Variants in CACNA2D1 observed in about 807,000 individuals in gnomAD.
CACNA2D1 encodes calcium voltage-gated channel auxiliary subunit alpha2delta 1.
CACNA2D1 carries 53 observed loss-of-function variants against 171.5 expected under a neutral mutation model. The observed-to-expected ratio is 0.31, with a 90% confidence interval of 0.25 to 0.39. CACNA2D1 has a LOEUF of 0.39. Ranked by LOEUF, CACNA2D1 falls within the 10% of genes least tolerant of loss-of-function variation. The pLI is 1.00. For missense variants in CACNA2D1, 903 were observed against 1,299.8 expected (o/e 0.69, Z 4.69); for synonymous variants, 442 against 443.1 (o/e 1.00, Z 0.03).
At chr7:82,282,831 C>T (rs980229173) in intron 3 of CACNA2D1, among the ~76,000 whole-genome samples, 1 of 151,898 alleles carries the variant, frequency 6.6e-6, no homozygotes, top group African/African-American at 2.4e-5. Flanking sequence ...ATTTTATGTG[C>T]GTGTGGCAGG....
intron 12 of CACNA2D1, among the ~76,000 whole-genome samples, chr7:82,030,592 AT>A (rs1802565702): frequency 6.6e-6 from 1 of 151,800 alleles, no homozygotes; most frequent in Non-Finnish European, 1.5e-5. Flanking sequence ...AAAACTTTTC[AT>A]TTTTGAAATA....
chr7:82,399,853 A>G (rs1489383540), intron 1 of CACNA2D1, among the ~76,000 whole-genome samples: 2 of 152,148 alleles, frequency 1.3e-5, no homozygotes, highest in Non-Finnish European at 2.9e-5. Flanking sequence ...AAACTATAAT[A>G]GGAAATCTTC....
intron 4 of CACNA2D1, among the ~76,000 whole-genome samples, chr7:82,139,254 T>C (rs149351526): frequency 6.6e-6 from 1 of 152,266 alleles, no homozygotes; most frequent in Admixed American, 6.5e-5. Context: ...AGTAATAAAA[T>C]ATAAATAAAT....
At chr7:82,061,646 G>A (rs1315244594) in intron 9 of CACNA2D1, among the ~76,000 whole-genome samples, 1 of 152,186 alleles carries the variant, frequency 6.6e-6, no homozygotes, top group Non-Finnish European at 1.5e-5. Context: ...TAAAGAAAGA[G>A]TTTAATTGAT....
intron 10 of CACNA2D1, among the ~76,000 whole-genome samples, chr7:82,053,735 A>G (rs1805491115): frequency 1.3e-5 from 2 of 152,136 alleles, no homozygotes; most frequent in South Asian, 4.1e-4. Context: ...TGCGTGTTTC[A>G]ATATTACTTT....
chr7:82,021,955 T>C (rs1452192812), intron 12 of CACNA2D1, among the ~76,000 whole-genome samples: 1 of 152,008 alleles, frequency 6.6e-6, no homozygotes, highest in African/African-American at 2.4e-5. Context: ...ATCTCAATTC[T>C]AGGTAGTAAA....
At chr7:82,029,198 C>G (rs762250875) in intron 12 of CACNA2D1, 3 of 151,750 alleles carry the variant, frequency 2.0e-5, no homozygotes, top group Non-Finnish European at 4.4e-5. Context: ...AGCAAAAATA[C>G]AAAGACTTGC....
chr7:82,078,919 AAAG>A (rs746636839), intron 7 of CACNA2D1, among the ~76,000 whole-genome samples: 29 of 152,274 alleles, frequency 1.9e-4, no homozygotes, highest in South Asian at 4.1e-4. Flanking sequence ...AAAAAAGAAA[AAAG>A]AAGAAGTGAG....
In CACNA2D1 at chr7:81,950,288, G is replaced by A; in HGVS notation, c.*104C>T. 1 of 1,605,296 alleles carries A rather than the reference G, an allele frequency of 6.2e-7. No individual in the cohort carries two copies. Among genetic ancestry groups the A allele is most frequent in the South Asian group, 1.1e-5 (1 of 90,456 alleles). ...ATGCCATGGAACAGGCCCAGCTAATGTTTGTCTGATTTTATAGCTGACCCT... is the reference window on the plus strand; with the variant it reads ...ATGCCATGGAACAGGCCCAGCTAATATTTGTCTGATTTTATAGCTGACCCT... On this transcript the variant is annotated 3_prime_UTR_variant, in exon 39 of 39. Transcript: ENST00000356860.
intron 3 of CACNA2D1, among the ~76,000 whole-genome samples, chr7:82,207,902 T>C (rs1800173993): frequency 6.6e-6 from 1 of 152,224 alleles, no homozygotes; most frequent in Non-Finnish European, 1.5e-5. Flanking sequence ...TATATTGCTA[T>C]AGAGGGTATA....
chr7:82,289,867 G>C (rs958784840), intron 3 of CACNA2D1, among the ~76,000 whole-genome samples: 1 of 152,316 alleles, frequency 6.6e-6, no homozygotes, highest in South Asian at 2.1e-4. Context: ...AATGGCACCA[G>C]GTATAGGGAC....
At chr7:82,025,261 C>T (rs565135950) in intron 12 of CACNA2D1, among the ~76,000 whole-genome samples, 9 of 151,736 alleles carry the variant, frequency 5.9e-5, no homozygotes, top group African/African-American at 1.7e-4. Context: ...AATATTAAGT[C>T]TTCCAATCCA....
At chr7:82,060,632 T>A in intron 9 of CACNA2D1, 105 bp from the exon 10 acceptor site, 1 of 599,814 alleles carries the variant, frequency 1.7e-6, no homozygotes, top group Non-Finnish European at 2.8e-6. Context: ...TTTTATATAT[T>A]ATTTAAATAA....
At chr7:82,049,933 A>G (rs1002701184) in intron 10 of CACNA2D1, among the ~76,000 whole-genome samples, 4 of 152,196 alleles carry the variant, frequency 2.6e-5, no homozygotes, top group South Asian at 2.1e-4. Flanking sequence ...GCTCTGGCAA[A>G]AAGAGGGTCT....
At chr7:82,362,444 T>C (rs1260355277) in intron 1 of CACNA2D1, among the ~76,000 whole-genome samples, 1 of 152,152 alleles carries the variant, frequency 6.6e-6, no homozygotes, top group Non-Finnish European at 1.5e-5. Context: ...ATGTTCCTTC[T>C]GTAGAAGAGA....
chr7:82,024,170 G>A (rs1801602575), intron 12 of CACNA2D1, among the ~76,000 whole-genome samples: 1 of 151,376 alleles, frequency 6.6e-6, no homozygotes, highest in Non-Finnish European at 1.5e-5. Flanking sequence ...TAAGTATCCA[G>A]AAGTAGGCTT....
intron 1 of CACNA2D1, among the ~76,000 whole-genome samples, chr7:82,433,779 C>T (rs887523581): frequency 6.6e-6 from 1 of 152,206 alleles, no homozygotes; most frequent in Non-Finnish European, 1.5e-5. Flanking sequence ...TTCTGAGAAT[C>T]GGCTCTTCCC....
intron 3 of CACNA2D1, among the ~76,000 whole-genome samples, chr7:82,186,111 G>A (rs745644879): frequency 4.0e-5 from 6 of 149,270 alleles, no homozygotes; most frequent in Non-Finnish European, 8.9e-5. Context: ...GGACAAGTTC[G>A]CGCCATTGCA....
chr7:82,305,744 T>C (rs895855306), intron 3 of CACNA2D1, among the ~76,000 whole-genome samples: 1 of 152,216 alleles, frequency 6.6e-6, no homozygotes, highest in African/African-American at 2.4e-5. Context: ...TTTTCTCCTA[T>C]TAATTTGCTT....
Sources: gnomAD v4.1 joint callset for allele counts (sites outside exome capture counted in the v4.1 genomes callset) on GRCh38, gnomAD v4.1.1 for gene constraint, MANE v1.5 for transcripts, NCBI Gene and HGNC (gene_info 2026-07-23, HGNC 2026-07-21) for gene names.